SLC4A2: variants seen among roughly 807,000 people sequenced by gnomAD.
SLC4A2 encodes solute carrier family 4 member 2, also known as anion exchange protein 2.
Under a neutral mutation model 115.0 loss-of-function variants are expected in SLC4A2, and 36 were observed. That is an observed-to-expected ratio of 0.31 (90% CI 0.24 to 0.41). The LOEUF (loss-of-function observed/expected upper bound fraction) is 0.41. SLC4A2 is among the 10% of genes least tolerant of loss of function. The pLI is 1.00. For missense variants in SLC4A2, 1,252 were observed against 1,705.6 expected (o/e 0.73, Z 4.68); for synonymous variants, 708 against 708.3 (o/e 1.00, Z 0.01).
rs1371522623 is a variant in SLC4A2 at position 151,060,611 on chromosome 7, G to T, written c.-64+849G>T. Among the ~76,000 whole-genome samples, 1 of 152,192 alleles carries T rather than the reference G, an allele frequency of 6.6e-6. No individual in the cohort carries two copies. Among genetic ancestry groups the T allele is most frequent in the Non-Finnish European group, 1.5e-5 (1 of 68,030 alleles). On this transcript the variant is annotated intron_variant, in intron 1 of 22. Transcript: ENST00000413384. This position sits in a 1 kb window ranked among gnomAD's most constrained non-coding sequence, Gnocchi z 5.9. Reference sequence around the variant, plus strand: ...ACAGCAGGGGAGGGGGTGCAGAGGAGTGTGGAGGAGCGCGACGAGGGCACA... The same window carrying T: ...ACAGCAGGGGAGGGGGTGCAGAGGATTGTGGAGGAGCGCGACGAGGGCACA...
rs764527253 is a variant in SLC4A2 at position 151,062,024 on chromosome 7, G to T, written c.37G>T (p.Asp13Tyr). 7.4e-6 allele frequency: 12 copies of T among 1,611,094 alleles called. No individual in the cohort carries two copies. Among genetic ancestry groups the T allele is most frequent in the Middle Eastern group, 1.7e-4 (1 of 6,058 alleles). ...SAPRRPAKGA[D>Y]SFCTPEPESL... Reference sequence around the variant, plus strand: ...CCCTCGGCGCCCCGCCAAGGGCGCAGATTCTTTCTGTACGGTGAGTGTGGC... The same window carrying T: ...CCCTCGGCGCCCCGCCAAGGGCGCATATTCTTTCTGTACGGTGAGTGTGGC... The change falls in exon 2 of 23, where the codon GAT (aspartate) becomes TAT (tyrosine). Residue 13 changes from aspartate (D) to tyrosine (Y), a missense_variant. By Grantham distance (160) the Asp-to-Tyr change is radical. Around this residue, in one of 14 missense-constraint regions of SLC4A2, gnomAD observed 74 missense variants for 85.3 expected, o/e 0.87. Transcript: ENST00000413384.
In SLC4A2 at chr7:151,070,484, G is replaced by A. The variant is rs779508789; in HGVS notation, c.1477G>A (p.Ala493Thr). Residue 493 changes from alanine to threonine, a missense_variant, in exon 11 of 23, where the codon GCT becomes ACT. Ala to Thr is a moderately conservative substitution (Grantham distance 58, BLOSUM62 0). Coordinates refer to ENST00000413384, the MANE Select transcript of SLC4A2 (RefSeq NM_003040.4). ...ERELPPPAPP[A>T]GITRSKSKHE... Reference sequence around the variant, plus strand: ...TGAGCTGCCGCCTCCAGCACCACCAGCTGGCATCACCCGCTCCAAGTCCAA... The same window carrying A: ...TGAGCTGCCGCCTCCAGCACCACCAACTGGCATCACCCGCTCCAAGTCCAA... The A allele has an allele frequency of 1.7e-5, 28 of 1,613,460 alleles. No individual in the cohort carries two copies. The highest frequency in any genetic ancestry group is 2.3e-5 in the Non-Finnish European group (27 of 1,179,762).
intron 5 of SLC4A2, among the ~76,000 whole-genome samples, chr7:151,065,841 A>C (rs1000098107): frequency 2.6e-5 from 4 of 152,196 alleles, no homozygotes; most frequent in Middle Eastern, 3.4e-3. Flanking sequence ...GGGGACTCTG[A>C]TGTTGAGTCA....
chr7:151,069,865 C>T (rs1176278006), intron 8 of SLC4A2, 82 bp from the exon 9 acceptor site: 16 of 1,571,200 alleles, frequency 1.0e-5, no homozygotes, highest in Non-Finnish European at 1.4e-5. Context: ...CCCACCTGTC[C>T]CCAGCTCCTG....
At position 151,064,730 on chromosome 7, in the gene SLC4A2, C is replaced by T; in HGVS notation, c.422C>T (p.Thr141Ile). ...ASEAEGARALTQPSPVSTPSS... is the reference protein window; with the variant it reads ...ASEAEGARALIQPSPVSTPSS... ...GAGGCTGAGGGGGCCCGGGCTCTCA[C>T]TCAGCCGTCCCCTGTCTCCACACCC... The change falls in exon 4 of 23, where the codon ACT becomes ATT. Residue 141 changes from threonine to isoleucine, a missense_variant. By Grantham distance (89) the Thr-to-Ile change is moderately conservative. This residue lies in a region of SLC4A2 where 215 missense variants were observed against 205.2 expected (regional missense o/e 1.05). Transcript: ENST00000413384. The T allele has an allele frequency of 6.2e-7, 1 of 1,611,690 alleles. No homozygotes were observed. Among genetic ancestry groups the T allele is most frequent in the Non-Finnish European group, 8.5e-7 (1 of 1,178,584 alleles).
chr7:151,062,750 G>C (rs984297858), intron 2 of SLC4A2: 2 of 1,394,236 alleles, frequency 1.4e-6, no homozygotes, highest in African/African-American at 1.5e-5. Flanking sequence ...GCTGCTTCTG[G>C]TGGGAGTGGG....
chr7:151,074,962 C>A, intron 19 of SLC4A2, 121 bp downstream of exon 19: 1 of 1,014,002 alleles, frequency 9.9e-7, no homozygotes, highest in East Asian at 2.5e-5. Context: ...CTTGGATGCC[C>A]AGATGGCCAC....
intron 16 of SLC4A2, among the ~76,000 whole-genome samples, chr7:151,073,773 T>G (rs1427207085): frequency 6.6e-6 from 1 of 152,164 alleles, no homozygotes; most frequent in African/African-American, 2.4e-5. Flanking sequence ...GTCCTCTTCC[T>G]TTAGGCCCCT....
Position 151,067,996 on chromosome 7 carries a change from C to T in SLC4A2, c.1089C>T (p.Pro363=), listed in dbSNP as rs1263025650. ...AGGAGACTGAGCGCTGGGGGAAGCC[C>T]CACGTGGCCTCCCTCTCCTTCCGCA... ...VEEETERWGK[P]HVASLSFRSL... Residue 363 remains proline, a synonymous_variant, in exon 8 of 23, where the codon CCC becomes CCT. Transcript: ENST00000413384. 4 of 1,598,982 alleles carry T rather than the reference C, an allele frequency of 2.5e-6. No homozygotes were observed. The highest frequency in any genetic ancestry group is 2.6e-6 in the Non-Finnish European group (3 of 1,174,946).
In SLC4A2 at chr7:151,059,988, G is replaced by A. The variant is rs910460556; in HGVS notation, c.-64+226G>A. On this transcript the variant is annotated intron_variant, in intron 1 of 22. Transcript: ENST00000413384. This position sits in a 1 kb window ranked among gnomAD's most constrained non-coding sequence, Gnocchi z 5.8. ...GGTCCCCTTCTCAGAGTTCCCTAAA[G>A]CCAGGGTGCCGCGCCCCCTGCCACC... 6.6e-6 allele frequency: 1 copy of A among 152,062 alleles called. No individual in the cohort carries two copies. Among genetic ancestry groups the A allele is most frequent in the African/African-American group, 2.4e-5 (1 of 41,390 alleles). 9.4% of individuals were successfully genotyped at this position (152,062 alleles called of 1,614,324 possible).
In SLC4A2 at chr7:151,069,953, T is replaced by C. The variant is rs747013335; in HGVS notation, c.1154T>C (p.Val385Ala). Reference sequence around the variant, plus strand: ...CTGTGCCATCTTATGCTAGGGGCTGTGCTCTTGGATCTGGACCAGCAGACC... The same window carrying C: ...CTGTGCCATCTTATGCTAGGGGCTGCGCTCTTGGATCTGGACCAGCAGACC... ...ELRRTLAHGA[V>A]LLDLDQQTLP... The change falls in exon 9 of 23, where the codon GTG becomes GCG. Residue 385 changes from valine (V) to alanine (A), a missense_variant. Physicochemically the swap from Val to Ala is moderately conservative, Grantham distance 64. Around this residue, in one of 14 missense-constraint regions of SLC4A2, gnomAD observed 142 missense variants for 153.5 expected, o/e 0.93. Transcript: ENST00000413384. The C allele has an allele frequency of 7.3e-5, 118 of 1,613,784 alleles. No homozygotes were observed. Among genetic ancestry groups the C allele is most frequent in the Non-Finnish European group, 9.7e-5 (115 of 1,180,030 alleles).
intron 16 of SLC4A2, 35 bp from the exon 17 acceptor site, chr7:151,074,004 C>T (rs771232564): frequency 6.5e-7 from 1 of 1,526,740 alleles, no homozygotes; most frequent in Non-Finnish European, 8.8e-7. Context: ...TTCTGCAGTC[C>T]AGCTGATGGA....
intron 5 of SLC4A2, among the ~76,000 whole-genome samples, chr7:151,066,200 T>G (rs1363179265): frequency 6.6e-6 from 1 of 152,130 alleles, no homozygotes; most frequent in Non-Finnish European, 1.5e-5. Context: ...TTCCAAAATC[T>G]CACCCCTCAT....
In SLC4A2 at chr7:151,076,461, A is replaced by C. The variant is rs1797651025; in HGVS notation, c.*94A>C. On this transcript the variant is annotated 3_prime_UTR_variant, in exon 23 of 23. Transcript: ENST00000413384. Reference sequence around the variant, plus strand: ...CCATGCCCCTCCCTCCTTTTTATTTAAGTGAATAATTTAAAGTCTTCTCCT... The same window carrying C: ...CCATGCCCCTCCCTCCTTTTTATTTCAGTGAATAATTTAAAGTCTTCTCCT... 3 of 1,036,964 alleles carry C rather than the reference A, an allele frequency of 2.9e-6. No homozygotes were observed. The highest frequency in any genetic ancestry group is 4.0e-6 in the Non-Finnish European group (3 of 742,590). The allele number at this position is 1,036,964 out of a possible 1,614,324, so 64.2% of individuals were successfully genotyped here.
intron 11 of SLC4A2, 52 bp from the exon 12 acceptor site, chr7:151,070,675 G>A (rs1361133334): frequency 1.9e-6 from 3 of 1,605,962 alleles, no homozygotes; most frequent in African/African-American, 1.3e-5. Context: ...GCGAGGGACT[G>A]GAAGGCGGTC....
At chr7:151,073,867 G>A in intron 16 of SLC4A2, 172 bp from the exon 17 acceptor site, 1 of 691,642 alleles carries the variant, frequency 1.4e-6, no homozygotes, top group Non-Finnish European at 2.4e-6. Flanking sequence ...GCCCCACACT[G>A]CCCTGTGCTC....
intron 8 of SLC4A2, among the ~76,000 whole-genome samples, chr7:151,068,521 A>C (rs1388191553): frequency 1.3e-5 from 2 of 152,170 alleles, no homozygotes; most frequent in Non-Finnish European, 1.5e-5. Flanking sequence ...CTAGGAAAAA[A>C]ATTAATTTTT....
intron 16 of SLC4A2, among the ~76,000 whole-genome samples, chr7:151,072,536 C>G (rs1281583029): frequency 6.6e-6 from 1 of 152,164 alleles, no homozygotes; most frequent in Admixed American, 6.5e-5. Flanking sequence ...GGTGATCCAC[C>G]CACCTCGGCC....
chr7:151,064,035 C>T (rs1278980939), intron 2 of SLC4A2, among the ~76,000 whole-genome samples, 167 bp from the exon 3 acceptor site: 1 of 151,322 alleles, frequency 6.6e-6, no homozygotes, highest in Non-Finnish European at 1.5e-5. Context: ...GGCCTGGGTC[C>T]CTATATTTAA....
Sources: allele counts gnomAD v4.1 joint callset (sites outside exome capture counted in the v4.1 genomes callset), GRCh38; gene constraint gnomAD v4.1.1; regional missense constraint gnomAD v4.1.1; non-coding constraint Gnocchi (gnomAD v3.1); transcripts MANE v1.5; gene names NCBI Gene and HGNC (gene_info 2026-07-23, HGNC 2026-07-21).